The following DNAH10 variants were observed in gnomAD, a reference collection of about 807,000 sequenced individuals.
DNAH10 encodes the protein dynein axonemal heavy chain 10, also known as axonemal beta dynein heavy chain 10.
A neutral mutation model predicts 506.6 loss-of-function variants in DNAH10; 348 were observed. That is an observed-to-expected ratio of 0.69 (90% CI 0.63 to 0.75). The LOEUF (loss-of-function observed/expected upper bound fraction) is 0.75, where lower values mean the gene tolerates loss of function less well. DNAH10 is among the 30% of genes least tolerant of loss of function. The pLI is 0.00. For missense variants in DNAH10, 5,179 were observed against 5,787.1 expected, an observed-to-expected ratio of 0.89 and a Z score of 3.41; for synonymous variants, 2,059 against 2,198.6, an observed-to-expected ratio of 0.94 and a Z score of 1.78.
chr12:123,808,384 G>A (rs1419246279), intron 18 of DNAH10, among the ~76,000 whole-genome samples: 1 of 152,090 alleles, frequency 6.6e-6, no homozygotes, highest in Non-Finnish European at 1.5e-5. Context: ...GATGGGGTTG[G>A]GCCGGCAGGG....
intron 12 of DNAH10, among the ~76,000 whole-genome samples, chr12:123,794,588 G>A (rs1241832557): frequency 6.6e-6 from 1 of 152,202 alleles, no homozygotes; most frequent in Non-Finnish European, 1.5e-5. Flanking sequence ...ACTCATGCCT[G>A]TAATCCTAGC....
At chr12:123,865,883 A>G in intron 40 of DNAH10, 68 bp from the exon 41 acceptor site, 1 of 1,429,234 alleles carries the variant, frequency 7.0e-7, no homozygotes, top group Non-Finnish European at 9.2e-7. Flanking sequence ...CCATAAGAGA[A>G]GGTCCTTAAA....
intron 51 of DNAH10, among the ~76,000 whole-genome samples, chr12:123,884,649 A>G (rs79212169): frequency 3.3e-5 from 5 of 152,272 alleles, no homozygotes; most frequent in East Asian, 1.9e-4. Flanking sequence ...TAAAAGCCCA[A>G]CCTCCAAATA....
Position 123,928,885 on chromosome 12 carries a change from C to T in DNAH10, c.12306+298C>T, listed in dbSNP as rs1204979109. ...CCCCCCCCACACACAGCCTGCAGTT[C>T]GCTAGTGCTGACTGCAGGAGTTTCG... On this transcript the variant is annotated intron_variant, in intron 70 of 78. Coordinates refer to ENST00000673944, the MANE Select transcript of DNAH10 (RefSeq NM_001372106.1). The surrounding 1 kb of genome is among the most constrained non-coding windows in gnomAD (Gnocchi z 4.9). The T allele has an allele frequency of 2.8e-5, 13 of 471,120 alleles. No homozygotes were observed. Among genetic ancestry groups the T allele is most frequent in the South Asian group, 2.8e-4 (9 of 32,620 alleles). The allele number at this position is 471,120 out of a possible 1,614,324, so 29.2% of individuals were successfully genotyped here.
intron 15 of DNAH10, 96 bp downstream of exon 15, chr12:123,800,484 C>A: frequency 8.5e-7 from 1 of 1,176,512 alleles, no homozygotes; most frequent in Non-Finnish European, 1.2e-6. Context: ...CAAAAGCTTT[C>A]ATTTTTGTGG....
At chr12:123,775,253 C>T (rs1957396128) in intron 5 of DNAH10, among the ~76,000 whole-genome samples, 1 of 152,086 alleles carries the variant, frequency 6.6e-6, no homozygotes, top group Non-Finnish European at 1.5e-5. Flanking sequence ...GGATTACAGG[C>T]ATACACCACC....
intron 66 of DNAH10, 138 bp from the exon 67 acceptor site, chr12:123,924,140 G>T: frequency 8.2e-7 from 1 of 1,226,662 alleles, no homozygotes; most frequent in Non-Finnish European, 1.1e-6. Context: ...GGTGACGAGG[G>T]CAAGCCTGGG....
chr12:123,853,963 GT>G lies in DNAH10; in HGVS notation c.6438+612del, dbSNP rs1951286838. Among the ~76,000 whole-genome samples the G allele has an allele frequency of 6.8e-6, 1 of 147,548 alleles. No homozygotes were observed. Among genetic ancestry groups the G allele is most frequent in the Non-Finnish European group, 1.5e-5 (1 of 67,210 alleles). ...ACGCACACACACACACATTTGGGTA[GT>G]AAAAAAAAAACAGCCGTGAGTGCAG... On this transcript the variant is annotated intron_variant, in intron 36 of 78. Transcript: ENST00000673944. This position sits in a 1 kb window ranked among gnomAD's most constrained non-coding sequence, Gnocchi z 4.7.
intron 4 of DNAH10, 94 bp downstream of exon 4, chr12:123,773,036 T>C (rs1007174655): frequency 1.4e-5 from 12 of 833,660 alleles, no homozygotes; most frequent in Non-Finnish European, 2.1e-5. Flanking sequence ...TTTATGGTTA[T>C]CTTTCACCTA....
chr12:123,871,677 A>C, intron 45 of DNAH10, 75 bp downstream of exon 45: 1 of 1,480,422 alleles, frequency 6.8e-7, no homozygotes, highest in Middle Eastern at 1.8e-4. Flanking sequence ...TCATACCACA[A>C]GCACTGTGAT....
intron 28 of DNAH10, 71 bp downstream of exon 28, chr12:123,835,599 G>C: frequency 6.5e-7 from 1 of 1,536,584 alleles, no homozygotes; most frequent in South Asian, 1.2e-5. Context: ...CTTTTTATTT[G>C]CACATTGTAT....
At chr12:123,784,333 G>A (rs1280318901) in intron 8 of DNAH10, among the ~76,000 whole-genome samples, 156 bp downstream of exon 8, 1 of 152,170 alleles carries the variant, frequency 6.6e-6, no homozygotes, top group Admixed American at 6.5e-5. Flanking sequence ...GATCGCTTGA[G>A]CTCAGGAGTT....
At chr12:123,897,665 C>T (rs1365753636) in intron 54 of DNAH10, 105 bp from the exon 55 acceptor site, 2 of 1,196,532 alleles carry the variant, frequency 1.7e-6, no homozygotes, top group East Asian at 2.7e-5. Context: ...ATGGAGGCTG[C>T]AGTGAGCCAT....
chr12:123,786,666 C>CAT (rs1399979048), intron 9 of DNAH10, among the ~76,000 whole-genome samples: 17 of 11,376 alleles, frequency 1.5e-3, no homozygotes, highest in African/African-American at 2.8e-3. Flanking sequence ...GTTTCAGATA[C>CAT]ATATATGTGT....
At position 123,869,750 on chromosome 12, in the gene DNAH10, C is replaced by G. The variant is rs571706655; in HGVS notation, c.7520-616C>G. ...CCTCGCTCCATCTGAGTTTATCTCT[C>G]TCTCTCATGTTCAGTCTCCGCCTCT... On this transcript the variant is annotated intron_variant, in intron 43 of 78. Coordinates refer to ENST00000673944, the MANE Select transcript of DNAH10 (RefSeq NM_001372106.1). Among the ~76,000 whole-genome samples, 183 of 152,308 alleles carry G rather than the reference C, an allele frequency of 1.2e-3. 1 individual carries two copies. Among genetic ancestry groups the G allele is most frequent in the African/African-American group, 4.1e-3 (172 of 41,578 alleles).
rs555364036 is a variant in DNAH10, at chr12:123,864,595, G to T, written c.6909G>T (p.Lys2303Asn). Residue 2303 changes from lysine to asparagine, a missense_variant and splice_region_variant, in exon 40 of 79, where the codon AAG (lysine) becomes AAT (asparagine). Coordinates refer to ENST00000673944, the MANE Select transcript of DNAH10 (RefSeq NM_001372106.1). ...GCTCTCCTTTCTTTGGTTGCTGCAGGTATATTTTATTTGATGGTGATGTGG... is the reference window on the plus strand; with the variant it reads ...GCTCTCCTTTCTTTGGTTGCTGCAGTTATATTTTATTTGATGGTGATGTGG... ...INKPTDKKER[K>N]YILFDGDVDA... The T allele has an allele frequency of 4.8e-5, 77 of 1,613,650 alleles. No individual in the cohort carries two copies. The South Asian group carries it at 7.5e-4, about 16-fold the overall frequency.
chr12:123,775,100 A>G (rs947354754), intron 5 of DNAH10, among the ~76,000 whole-genome samples: 2 of 152,140 alleles, frequency 1.3e-5, no homozygotes, highest in African/African-American at 4.8e-5. Context: ...TGAGGATGTG[A>G]TGTCTAAGCT....
At position 123,913,056 on chromosome 12, in the gene DNAH10, A is replaced by G; in HGVS notation, c.10135-42A>G. On this transcript the variant is annotated intron_variant, in intron 59 of 78. Transcript: ENST00000673944. This position sits in a 1 kb window ranked among gnomAD's most constrained non-coding sequence, Gnocchi z 5.1. ...GAGGCCATGGGATCGCGGCCCCACC[A>G]CGGTCCTTTTCCCCATCTTTTTGCA... 1 of 1,560,292 alleles carries G rather than the reference A, an allele frequency of 6.4e-7. No individual in the cohort carries two copies. The highest frequency in any genetic ancestry group is 8.7e-7 in the Non-Finnish European group (1 of 1,150,642).
intron 57 of DNAH10, among the ~76,000 whole-genome samples, chr12:123,904,825 G>A (rs1953701249): frequency 6.6e-6 from 1 of 152,206 alleles, no homozygotes; most frequent in East Asian, 1.9e-4. Context: ...CATGGTCAGA[G>A]CCATGTAAGC....
Sources: gnomAD v4.1 joint callset for allele counts (sites outside exome capture counted in the v4.1 genomes callset) on GRCh38, gnomAD v4.1.1 for gene constraint, Gnocchi (gnomAD v3.1) non-coding constraint, MANE v1.5 for transcripts, NCBI Gene and HGNC (gene_info 2026-07-23, HGNC 2026-07-21) for gene names.